Variants in KAZN observed in about 807,000 individuals in gnomAD.
KAZN encodes the protein kazrin, periplakin interacting protein.
In KAZN, 40 loss-of-function variants were observed where a neutral mutation model predicts 87.4. The observed-to-expected ratio is 0.46, with a 90% confidence interval of 0.36 to 0.60. The LOEUF is 0.60. KAZN is among the 20% of genes least tolerant of loss of function. The pLI is 0.00. For missense variants in KAZN, 898 were observed against 1,073.9 expected (o/e 0.84, Z 2.29); for synonymous variants, 466 against 458.3 (o/e 1.02, Z -0.22).
chr1:14,110,054 G>A (rs955556985), intron 1 of KAZN, among the ~76,000 whole-genome samples: 4 of 128,288 alleles, frequency 3.1e-5, no homozygotes, highest in African/African-American at 1.2e-4. Flanking sequence ...AATATGTTGT[G>A]ATTAATAAGT....
At chr1:14,395,997 A>T (rs893519781) in intron 2 of KAZN, among the ~76,000 whole-genome samples, 43 of 151,790 alleles carry the variant, frequency 2.8e-4, no homozygotes, top group Non-Finnish European at 1.3e-4. Flanking sequence ...TAAAACCCCC[A>T]TCTCTACAAA....
intron 2 of KAZN, among the ~76,000 whole-genome samples, chr1:14,388,723 T>TA (rs1662166223): frequency 6.6e-6 from 1 of 152,102 alleles, no homozygotes; most frequent in Non-Finnish European, 1.5e-5. Flanking sequence ...GACTTAAATA[T>TA]AAGACCTAAA....
At chr1:14,396,450 G>A (rs1048604127) in intron 2 of KAZN, among the ~76,000 whole-genome samples, 1 of 152,154 alleles carries the variant, frequency 6.6e-6, no homozygotes, top group Admixed American at 6.5e-5. Flanking sequence ...CTTTACCAAA[G>A]GCCAATATCT....
At chr1:14,995,633 A>T (rs1350605332) in intron 2 of KAZN, among the ~76,000 whole-genome samples, 1 of 151,892 alleles carries the variant, frequency 6.6e-6, no homozygotes, top group Non-Finnish European at 1.5e-5. Flanking sequence ...CAAATAAAAA[A>T]AAAAAAAAAT....
intron 1 of KAZN, among the ~76,000 whole-genome samples, chr1:14,654,112 C>A (rs542267744): frequency 1.3e-5 from 2 of 152,182 alleles, no homozygotes; most frequent in African/African-American, 2.4e-5. Context: ...ATGGTGAAAC[C>A]CCTGTCTCTA....
At chr1:14,687,131 A>G (rs1641000893) in intron 1 of KAZN, among the ~76,000 whole-genome samples, 1 of 152,110 alleles carries the variant, frequency 6.6e-6, no homozygotes, top group Non-Finnish European at 1.5e-5. Context: ...CATTCAAGGT[A>G]CCCTCCCTTA....
intron 2 of KAZN, among the ~76,000 whole-genome samples, chr1:14,493,959 C>T (rs1669811419): frequency 6.6e-6 from 1 of 152,204 alleles, no homozygotes; most frequent in African/African-American, 2.4e-5. Context: ...TCTCTTTCAA[C>T]CTCAACCCCT....
At chr1:14,198,793 A>T (rs72643202) in intron 2 of KAZN, among the ~76,000 whole-genome samples, 115 of 152,286 alleles carry the variant, frequency 7.6e-4, no homozygotes, top group Non-Finnish European at 1.4e-3. Context: ...CATATTCATT[A>T]CAACCCTCTA....
intron 1 of KAZN, among the ~76,000 whole-genome samples, chr1:14,866,121 C>T (rs1651424957): frequency 6.6e-6 from 1 of 152,158 alleles, no homozygotes. Flanking sequence ...GAGCTCTCTC[C>T]CAATTCCATG....
chr1:14,305,552 C>T (rs532803968), intron 2 of KAZN, among the ~76,000 whole-genome samples: 69 of 152,246 alleles, frequency 4.5e-4, no homozygotes, highest in African/African-American at 1.6e-3. Context: ...AATATTAATT[C>T]TGAAGACAGG....
chr1:14,795,661 C>T (rs1221454727), intron 1 of KAZN, among the ~76,000 whole-genome samples: 2 of 151,880 alleles, frequency 1.3e-5, no homozygotes, highest in Non-Finnish European at 2.9e-5. Flanking sequence ...TGGGATCTGG[C>T]TCTCACCTCC....
intron 1 of KAZN, among the ~76,000 whole-genome samples, chr1:13,894,437 A>C (rs1638957778): frequency 6.6e-6 from 1 of 152,122 alleles, no homozygotes; most frequent in East Asian, 1.9e-4. Context: ...GCTTGGTGCA[A>C]ATAGTCACCA....
chr1:14,232,467 A>G (rs933894761), intron 2 of KAZN, among the ~76,000 whole-genome samples: 4 of 152,034 alleles, frequency 2.6e-5, no homozygotes, highest in Non-Finnish European at 4.4e-5. Flanking sequence ...TCCATTTTCT[A>G]ATTGATTCTT....
chr1:14,725,667 C>T (rs185990808), intron 1 of KAZN, among the ~76,000 whole-genome samples: 3 of 152,120 alleles, frequency 2.0e-5, no homozygotes, highest in Admixed American at 2.0e-4. Context: ...GAGGTTGAGT[C>T]GGGACTCAAA....
chr1:14,522,344 G>A (rs961934595), intron 2 of KAZN, among the ~76,000 whole-genome samples: 1 of 152,130 alleles, frequency 6.6e-6, no homozygotes, highest in Non-Finnish European at 1.5e-5. Context: ...CTTGTTGCCT[G>A]CAAAAGTTTG....
chr1:14,655,963 C>T (rs890661451), intron 1 of KAZN, among the ~76,000 whole-genome samples: 17 of 152,134 alleles, frequency 1.1e-4, no homozygotes, highest in East Asian at 5.8e-4. Context: ...TTGCTGAAGG[C>T]GTGCAGCTTA....
At chr1:14,891,282 A>G (rs111606122) in intron 1 of KAZN, among the ~76,000 whole-genome samples, 1,624 of 152,138 alleles carry the variant, frequency 0.011, 32 homozygotes, top group African/African-American at 0.037. Context: ...CGCTGAACCC[A>G]ATTTGTAGTC....
rs188073267 is a variant in KAZN, at chr1:14,145,591, T to A, written c.92-34844T>A. 1.5e-4 allele frequency among the ~76,000 whole-genome samples: 23 copies of A among 152,312 alleles called. 1 individual carries two copies. Among genetic ancestry groups the A allele is most frequent in the Admixed American group, 7.2e-4 (11 of 15,298 alleles). On this transcript the variant is annotated intron_variant, in intron 1 of 16. Coordinates refer to the KAZN transcript ENST00000636203. Reference sequence around the variant, plus strand: ...AGCTTTATAAGACAGTATACCTTTTTTTTTTTTGAGACAGAGTTTTGCTCT... The same window carrying A: ...AGCTTTATAAGACAGTATACCTTTTATTTTTTTGAGACAGAGTTTTGCTCT...
At chr1:14,371,795 A>G (rs1660503887) in intron 2 of KAZN, among the ~76,000 whole-genome samples, 1 of 152,208 alleles carries the variant, frequency 6.6e-6, no homozygotes, top group Non-Finnish European at 1.5e-5. Context: ...ATCTGAAGAG[A>G]AAACCAAGAA....
Sources: allele counts gnomAD v4.1 joint callset (sites outside exome capture counted in the v4.1 genomes callset), GRCh38; gene constraint gnomAD v4.1.1; transcripts MANE v1.5; gene names NCBI Gene and HGNC (gene_info 2026-07-23, HGNC 2026-07-21).